ITPR1: variants seen among roughly 807,000 people sequenced by gnomAD.
The protein encoded by ITPR1 is inositol 1,4,5-trisphosphate receptor type 1, also known as inositol 1,4,5-trisphosphate-gated calcium channel ITPR1.
In ITPR1, 96 loss-of-function variants were observed where a neutral mutation model predicts 318.4. The observed-to-expected ratio is 0.30, with a 90% confidence interval of 0.26 to 0.36. The LOEUF is 0.36. Among genes scored for constraint, ITPR1 ranks in the 10% least tolerant of loss-of-function variants. The pLI, the probability that ITPR1 is intolerant of heterozygous loss-of-function variation, is 1.00. For synonymous variants in ITPR1, 1,312 were observed against 1,289.9 expected (o/e 1.02, Z -0.37); for missense variants, 2,440 against 3,460.2 (o/e 0.71, Z 7.40).
chr3:4,746,545 A>G (rs1034881737), intron 44 of ITPR1, among the ~76,000 whole-genome samples: 1 of 141,708 alleles, frequency 7.1e-6, no homozygotes, highest in African/African-American at 2.6e-5. Context: ...CCCCTGAGGC[A>G]GAGATAATGG....
intron 51 of ITPR1, among the ~76,000 whole-genome samples, chr3:4,786,126 TCTTC>T (rs2047183676): frequency 6.6e-6 from 1 of 152,194 alleles, no homozygotes; most frequent in Non-Finnish European, 1.5e-5. Flanking sequence ...CCTCAGATCA[TCTTC>T]CTTCAGTGGG....
At chr3:4,613,099 A>C (rs2092230740) in intron 4 of ITPR1, among the ~76,000 whole-genome samples, 1 of 152,220 alleles carries the variant, frequency 6.6e-6, no homozygotes, top group Non-Finnish European at 1.5e-5. Flanking sequence ...TTAGAGAGAC[A>C]TGAGACATTA....
At chr3:4,810,047 A>T (rs1265685606) in intron 55 of ITPR1, among the ~76,000 whole-genome samples, 1 of 152,224 alleles carries the variant, frequency 6.6e-6, no homozygotes, top group African/African-American at 2.4e-5. Flanking sequence ...CAGATGAAAA[A>T]TTCTAAATTG....
At chr3:4,827,680 CCAA>C in intron 60 of ITPR1, among the ~76,000 whole-genome samples, 1 of 152,078 alleles carries the variant, frequency 6.6e-6, no homozygotes, top group Admixed American at 6.5e-5. Flanking sequence ...GTCTAAGATT[CCAA>C]TAAGCAACAT....
chr3:4,611,594 A>AAATAAATAAATAAATT (rs1280855433), intron 4 of ITPR1, among the ~76,000 whole-genome samples: 1 of 151,536 alleles, frequency 6.6e-6, no homozygotes, highest in Non-Finnish European at 1.5e-5. Context: ...ATAAATAAAT[A>AAATAAATAAATAAATT]AATTAGCAGG....
chr3:4,673,442 G>A (rs2094126281), intron 21 of ITPR1, 55 bp downstream of exon 21: 13 of 1,472,894 alleles, frequency 8.8e-6, no homozygotes, highest in Middle Eastern at 1.8e-4. Flanking sequence ...GCAGTAGATA[G>A]CCCCATATGG....
intron 34 of ITPR1, among the ~76,000 whole-genome samples, 157 bp downstream of exon 34, chr3:4,697,429 A>T: frequency 7.4e-6 from 1 of 134,752 alleles, no homozygotes. Context: ...GGCACTTGTG[A>T]CTTTCTTCTC....
chr3:4,578,555 A>G (rs2088940784), intron 4 of ITPR1, among the ~76,000 whole-genome samples: 1 of 152,134 alleles, frequency 6.6e-6, no homozygotes, highest in African/African-American at 2.4e-5. Flanking sequence ...ATAATGTCCC[A>G]CAGCCAGAAG....
intron 2 of ITPR1, among the ~76,000 whole-genome samples, chr3:4,497,029 C>T (rs6805717): frequency 0.022 from 3,333 of 150,364 alleles, 122 homozygotes; most frequent in African/African-American, 0.078. Context: ...ATTGCATTTG[C>T]AGGCTGTCTG....
rs373359869 is a variant in ITPR1, at chr3:4,735,175, G to A, written c.5365G>A (p.Gly1789Arg). The A allele has an allele frequency of 1.7e-4, 271 of 1,612,574 alleles. No individual in the cohort carries two copies. Among genetic ancestry groups the A allele is most frequent in the Non-Finnish European group, 1.5e-4 (173 of 1,178,712 alleles). ...GKPGGGGGGS[G>R]SSSMSRGEMS... ...TTCCATCTTCTTAGGGGGAGGTTCC[G>A]GATCCAGCTCTATGAGCAGGGGTGA... The change falls in exon 44 of 62, where the codon GGA (glycine) becomes AGA (arginine). Residue 1789 changes from glycine (G) to arginine (R), a missense_variant. Gly to Arg is a moderately radical substitution (Grantham distance 125). This residue lies in a region of ITPR1 where 166 missense variants were observed against 143.7 expected (regional missense o/e 1.16). Coordinates refer to ENST00000649015, the MANE Select transcript of ITPR1 (RefSeq NM_001378452.1).
In ITPR1 at chr3:4,591,844, AT is replaced by A. The variant is rs914552766; in HGVS notation, c.164-35909del. Among the ~76,000 whole-genome samples the A allele has an allele frequency of 1.8e-3, 270 of 151,034 alleles. 2 individuals are homozygous for A. The highest frequency in any genetic ancestry group is 6.3e-3 in the African/African-American group (261 of 41,246). On this transcript the variant is annotated intron_variant, in intron 4 of 61. Coordinates refer to ENST00000649015, the MANE Select transcript of ITPR1 (RefSeq NM_001378452.1). ...ATAATGGCTCACTTCAACGTGGCTG[AT>A]TTTTTTTTTAAGTCTTCATTTGGAG... is the stretch of plus-strand genomic sequence containing the variant.
At position 4,775,409 on chromosome 3, in the gene ITPR1, C is replaced by G. The variant is rs144178989; in HGVS notation, c.6147C>G (p.Thr2049=). ...TCAACCAAACCCTGGAAAGTCTGACCGAATACTGTCAAGGACCTTGCCATG... is the reference window on the plus strand; with the variant it reads ...TCAACCAAACCCTGGAAAGTCTGACGGAATACTGTCAAGGACCTTGCCATG... ...ALINQTLESL[T]EYCQGPCHEN... is the part of the protein sequence containing the mutation. The change falls in exon 47 of 62, where the codon ACC becomes ACG. Residue 2049 remains threonine, a synonymous_variant. Coordinates refer to ENST00000649015, the MANE Select transcript of ITPR1 (RefSeq NM_001378452.1). 2 of 1,613,678 alleles carry G rather than the reference C, an allele frequency of 1.2e-6. No individual in the cohort carries two copies. The highest frequency in any genetic ancestry group is 2.7e-5 in the African/African-American group (2 of 74,996).
intron 2 of ITPR1, among the ~76,000 whole-genome samples, chr3:4,498,500 G>A (rs948933115): frequency 3.9e-5 from 6 of 152,168 alleles, no homozygotes; most frequent in Non-Finnish European, 8.8e-5. Flanking sequence ...ACCAGATTTT[G>A]CAGGTCAACA....
intron 5 of ITPR1, among the ~76,000 whole-genome samples, chr3:4,632,151 A>G (rs1253636079): frequency 6.6e-6 from 1 of 152,168 alleles, no homozygotes; most frequent in Non-Finnish European, 1.5e-5. Flanking sequence ...TGCTGGGAAC[A>G]TGGGAATCTA....
intron 4 of ITPR1, among the ~76,000 whole-genome samples, chr3:4,557,387 G>T (rs766319920): frequency 6.6e-6 from 1 of 152,064 alleles, no homozygotes; most frequent in Non-Finnish European, 1.5e-5. Context: ...ATTACCTCCC[G>T]CCAGGTCCCT....
chr3:4,812,783 C>G (rs1444199584), intron 56 of ITPR1, among the ~76,000 whole-genome samples: 1 of 152,178 alleles, frequency 6.6e-6, no homozygotes, highest in Non-Finnish European at 1.5e-5. Context: ...TGGCCTGGAC[C>G]TTGGATTTCT....
intron 44 of ITPR1, among the ~76,000 whole-genome samples, chr3:4,742,056 G>A (rs570526898): frequency 4.6e-4 from 70 of 152,182 alleles, no homozygotes; most frequent in African/African-American, 1.5e-3. Context: ...AGCTGTGAGG[G>A]GTCAGCAAAG....
At chr3:4,668,739 T>C (rs1559651877) in intron 18 of ITPR1, among the ~76,000 whole-genome samples, 2 of 152,240 alleles carry the variant, frequency 1.3e-5, no homozygotes, top group Non-Finnish European at 1.5e-5. Context: ...GTGCTGGGAT[T>C]ACAGGCGTGA....
chr3:4,639,396 T>C lies in ITPR1; in HGVS notation c.292T>C (p.Leu98=). The change falls in exon 6 of 62, where the codon TTG becomes CTG. Residue 98 remains leucine (L), a synonymous_variant. Coordinates refer to ENST00000649015, the MANE Select transcript of ITPR1 (RefSeq NM_001378452.1). ...TCTCAATGCACAGCACGCTGCAGAC[T>C]TGGAAAAGAAGCAGAATGAGACAGA... The part of the protein sequence containing the change: ...LLNKLHHAAD[L]EKKQNETENR... 1 of 1,569,508 alleles carries C rather than the reference T, an allele frequency of 6.4e-7. No homozygotes were observed. The highest frequency in any genetic ancestry group is 2.4e-5 in the East Asian group (1 of 42,474).
Sources: allele counts gnomAD v4.1 joint callset (sites outside exome capture counted in the v4.1 genomes callset), GRCh38; gene constraint gnomAD v4.1.1; regional missense constraint gnomAD v4.1.1; transcripts MANE v1.5; gene names NCBI Gene and HGNC (gene_info 2026-07-23, HGNC 2026-07-21).